The following UNC13C variants were observed in gnomAD, a reference collection of about 807,000 sequenced individuals.
UNC13C encodes the protein unc-13 homolog C, also known as protein unc-13 homolog C.
In UNC13C, 174 loss-of-function variants were observed where a neutral mutation model predicts 245.4. The ratio of observed to expected loss-of-function variants is 0.71; its 90% CI spans 0.63 to 0.80. The LOEUF (loss-of-function observed/expected upper bound fraction) is 0.80, where lower values mean the gene tolerates loss of function less well. Among genes scored for constraint, UNC13C ranks in the 30% least tolerant of loss-of-function variants. The pLI is 0.00. For missense variants in UNC13C, 2,829 were observed against 2,602.9 expected (o/e 1.09, Z -1.89); for synonymous variants, 992 against 895.1 (o/e 1.11, Z -1.93).
intron 10 of UNC13C, among the ~76,000 whole-genome samples, chr15:54,286,063 T>G (rs1218350557): frequency 6.6e-6 from 1 of 152,018 alleles, no homozygotes; most frequent in Non-Finnish European, 1.5e-5. Context: ...GTATTCTAAG[T>G]AGAGACAGGG....
chr15:54,335,098 T>C lies in UNC13C; in HGVS notation c.4584+1242T>C, dbSNP rs1448733049. On this transcript the variant is annotated intron_variant, in intron 16 of 32. Coordinates refer to ENST00000260323, the MANE Select transcript of UNC13C (RefSeq NM_001080534.3). ...TCCATATATTCTTTCTTTTTTAGTATTGATGAGCCATCTGTTTTCTTAGAA... is the reference window on the plus strand; with the variant it reads ...TCCATATATTCTTTCTTTTTTAGTACTGATGAGCCATCTGTTTTCTTAGAA... Among the ~76,000 whole-genome samples, 4 of 152,310 alleles carry C rather than the reference T, an allele frequency of 2.6e-5. No individual in the cohort carries two copies. The East Asian group carries it at 7.7e-4, about 29-fold the overall frequency.
At chr15:54,399,383 A>C (rs1391013597) in intron 18 of UNC13C, among the ~76,000 whole-genome samples, 2 of 151,838 alleles carry the variant, frequency 1.3e-5, no homozygotes, top group Non-Finnish European at 3.0e-5. Context: ...AAAAGTAAGA[A>C]ATCTTAATTA....
rs780115618 is a variant in UNC13C at position 54,015,691 on chromosome 15, G to A, written c.2788G>A (p.Val930Ile). Residue 930 changes from valine to isoleucine, a missense_variant, in exon 2 of 33, where the codon GTT (valine) becomes ATT (isoleucine). Transcript: ENST00000260323. ...TTATGATGGTCCAGCAGATGATATG[G>A]TTAGTGAAGAGGGGTTAGAACCCTT... is the stretch of plus-strand genomic sequence containing the variant. ...EGYDGPADDM[V>I]SEEGLEPLNE... 1.9e-6 allele frequency: 3 copies of A among 1,613,732 alleles called. No homozygotes were observed. The highest frequency in any genetic ancestry group is 2.5e-6 in the Non-Finnish European group (3 of 1,179,776).
chr15:54,611,399 G>T (rs1900085130), intron 30 of UNC13C: 1 of 152,070 alleles, frequency 6.6e-6, no homozygotes, highest in Non-Finnish European at 1.5e-5. Flanking sequence ...CTAAAAAAAA[G>T]GTCACTGGAG....
intron 17 of UNC13C, among the ~76,000 whole-genome samples, chr15:54,368,736 TTCA>T (rs1198094373): frequency 6.6e-6 from 1 of 152,172 alleles, no homozygotes; most frequent in African/African-American, 2.4e-5. Context: ...AGAGATTTCA[TTCA>T]TCAAGAGAGA....
In UNC13C at chr15:54,430,771, A is replaced by G. The variant is rs1488153586; in HGVS notation, c.4933+15704A>G. On this transcript the variant is annotated intron_variant, in intron 19 of 32. Transcript: ENST00000260323. ...TACTATCTCAGGAATTTCAAGAACT[A>G]GAATGAGCTTTCTGGGAAATGGAGG... 2.6e-5 allele frequency among the ~76,000 whole-genome samples: 4 copies of G among 151,770 alleles called. No homozygotes were observed. The South Asian group carries it at 6.2e-4, about 24-fold the overall frequency.
chr15:54,310,009 T>C (rs1164217057), intron 13 of UNC13C, among the ~76,000 whole-genome samples: 1 of 151,860 alleles, frequency 6.6e-6, no homozygotes, highest in Non-Finnish European at 1.5e-5. Flanking sequence ...AAGTCAAATG[T>C]TTTAATGTTA....
chr15:54,409,552 C>T (rs1164418387), intron 18 of UNC13C, among the ~76,000 whole-genome samples: 1 of 152,060 alleles, frequency 6.6e-6, no homozygotes, highest in African/African-American at 2.4e-5. Context: ...TCAAGGAGGT[C>T]CCAATGTCTT....
intron 1 of UNC13C, among the ~76,000 whole-genome samples, chr15:54,004,926 A>G (rs1204359483): frequency 6.6e-6 from 1 of 152,028 alleles, no homozygotes; most frequent in Admixed American, 6.6e-5. Context: ...TCGGATGGGT[A>G]GTTTGCAAAT....
intron 23 of UNC13C, among the ~76,000 whole-genome samples, chr15:54,511,223 A>C (rs1894723998): frequency 6.6e-6 from 1 of 152,194 alleles, no homozygotes; most frequent in African/African-American, 2.4e-5. Flanking sequence ...GATATGAGTC[A>C]AATAAGCAAG....
At chr15:54,172,693 T>C (rs1595945138) in intron 4 of UNC13C, among the ~76,000 whole-genome samples, 1 of 88,496 alleles carries the variant, frequency 1.1e-5, no homozygotes, top group South Asian at 3.4e-4. Context: ...CAAAGTCAAA[T>C]ACACACACAG....
chr15:53,863,236 CT>C, the UNC13C span, among the ~76,000 whole-genome samples: 2 of 152,268 alleles, frequency 1.3e-5, no homozygotes, highest in African/African-American at 4.8e-5. Context: ...ATCTTAAGGC[CT>C]GAGACTACTC....
chr15:54,473,096 A>C lies in UNC13C; in HGVS notation c.4934-21512A>C, dbSNP rs76038945. Among the ~76,000 whole-genome samples, 19 of 151,904 alleles carry C rather than the reference A, an allele frequency of 1.3e-4. No individual in the cohort carries two copies. The East Asian group carries it at 3.5e-3, about 28-fold the overall frequency. ...AGTACCTAATGCTCAGCTCCCACTA[A>C]AAGTGAGAACATGTGGTATTTGGTT... On this transcript the variant is annotated intron_variant, in intron 19 of 32. Transcript: ENST00000260323.
chr15:54,042,831 T>C (rs988243613), intron 2 of UNC13C, among the ~76,000 whole-genome samples: 11 of 152,042 alleles, frequency 7.2e-5, no homozygotes, highest in Admixed American at 2.6e-4. Flanking sequence ...CCAGCCTGGG[T>C]GACAGAGCGA....
chr15:54,553,397 A>G (rs1896949586), intron 28 of UNC13C, among the ~76,000 whole-genome samples: 2 of 129,878 alleles, frequency 1.5e-5, no homozygotes, highest in African/African-American at 5.7e-5. Context: ...TTAGTATATT[A>G]TATTATATAT....
rs1465141632 is a variant in UNC13C at position 54,015,057 on chromosome 15, C to T, written c.2154C>T (p.Asp718=). 2 of 1,612,794 alleles carry T rather than the reference C, an allele frequency of 1.2e-6. No homozygotes were observed. The highest frequency in any genetic ancestry group is 2.7e-5 in the African/African-American group (2 of 74,914). Residue 718 remains aspartate, a synonymous_variant, in exon 2 of 33, where the codon GAC becomes GAT. Transcript: ENST00000260323. ...AGAGCTACGACTTAACTCAAGATGA[C>T]AATTCTTCTCCATGCCCTGGCTTGG... ...DSESYDLTQD[D]NSSPCPGLDN...
At chr15:54,158,300 C>T (rs1447059059) in intron 4 of UNC13C, among the ~76,000 whole-genome samples, 1 of 152,184 alleles carries the variant, frequency 6.6e-6, no homozygotes, top group Non-Finnish European at 1.5e-5. Flanking sequence ...CTTTCCTTTC[C>T]ATGCATGGTG....
At chr15:54,028,684 C>CT (rs58264883) in intron 2 of UNC13C, among the ~76,000 whole-genome samples, 9,989 of 86,104 alleles carry the variant, frequency 0.12, 1,323 homozygotes, top group East Asian at 0.2. Context: ...GCCTACAAGT[C>CT]TTTTTTTTTT....
At chr15:54,563,943 G>T (rs988196789) in intron 29 of UNC13C, among the ~76,000 whole-genome samples, 1 of 151,994 alleles carries the variant, frequency 6.6e-6, no homozygotes, top group East Asian at 1.9e-4. Flanking sequence ...GTGCCAGTAA[G>T]GTAACCAGAC....
Sources: allele counts gnomAD v4.1 joint callset (sites outside exome capture counted in the v4.1 genomes callset), GRCh38; gene constraint gnomAD v4.1.1; transcripts MANE v1.5; gene names NCBI Gene and HGNC (gene_info 2026-07-23, HGNC 2026-07-21).